Variants in TSHZ2 observed in about 807,000 individuals in gnomAD.
The protein encoded by TSHZ2 is teashirt homolog 2.
A neutral mutation model predicts 74.4 loss-of-function variants in TSHZ2; 21 were observed. The observed-to-expected ratio is 0.28, with a 90% CI of 0.20 to 0.41. The LOEUF (loss-of-function observed/expected upper bound fraction) is 0.41. TSHZ2 is among the 10% of genes least tolerant of loss of function. The pLI is 1.00. For missense variants in TSHZ2, 1,244 were observed against 1,293.5 expected (o/e 0.96, Z 0.59); for synonymous variants, 540 against 515.3 (o/e 1.05, Z -0.65).
At chr20:52,997,179 C>T (rs1200685742) in intron 1 of TSHZ2, among the ~76,000 whole-genome samples, 6 of 152,126 alleles carry the variant, frequency 3.9e-5, no homozygotes, top group African/African-American at 4.8e-5. Flanking sequence ...TCTCTTTCTT[C>T]GTCCTGTCCC....
At chr20:53,357,830 C>G (rs1202957980) in intron 2 of TSHZ2, among the ~76,000 whole-genome samples, 1 of 152,166 alleles carries the variant, frequency 6.6e-6, no homozygotes, top group Non-Finnish European at 1.5e-5. Context: ...CTGGGGCTCT[C>G]CCAGTGTGAC....
intron 1 of TSHZ2, among the ~76,000 whole-genome samples, chr20:53,086,119 C>G (rs1985692461): frequency 6.6e-6 from 1 of 152,166 alleles, no homozygotes; most frequent in African/African-American, 2.4e-5. Context: ...CTGTGCATCT[C>G]AATCAAGGTT....
chr20:52,973,928 C>T (rs180963533), intron 1 of TSHZ2, among the ~76,000 whole-genome samples: 83 of 152,190 alleles, frequency 5.5e-4, no homozygotes, highest in Non-Finnish European at 1.3e-4. Flanking sequence ...TAACAATTTC[C>T]CTATTCTTTA....
At chr20:53,068,186 C>T (rs979503859) in intron 1 of TSHZ2, among the ~76,000 whole-genome samples, 1 of 152,180 alleles carries the variant, frequency 6.6e-6, no homozygotes, top group Admixed American at 6.5e-5. Flanking sequence ...GTCATATTCA[C>T]GGGTACCAGG....
At chr20:53,401,731 T>C (rs1200339566) in intron 2 of TSHZ2, among the ~76,000 whole-genome samples, 1 of 152,104 alleles carries the variant, frequency 6.6e-6, no homozygotes, top group African/African-American at 2.4e-5. Context: ...TCATTCCTTT[T>C]TATGGCTGAG....
intron 1 of TSHZ2, among the ~76,000 whole-genome samples, chr20:53,215,046 C>A (rs2123622671): frequency 6.6e-6 from 1 of 152,126 alleles, no homozygotes; most frequent in Admixed American, 6.5e-5. Context: ...GTGGGCGGGA[C>A]CCATAGGCTA....
intron 1 of TSHZ2, among the ~76,000 whole-genome samples, chr20:52,981,223 C>T (rs1490439103): frequency 6.6e-6 from 1 of 152,150 alleles, no homozygotes; most frequent in African/African-American, 2.4e-5. Flanking sequence ...CAGCCTTGCC[C>T]CACGCTAGTT....
intron 2 of TSHZ2, among the ~76,000 whole-genome samples, chr20:53,442,868 C>T (rs1354085114): frequency 6.6e-6 from 1 of 152,194 alleles, no homozygotes; most frequent in Non-Finnish European, 1.5e-5. Flanking sequence ...GCATTGTGTG[C>T]ACTTGAGCTC....
intron 1 of TSHZ2, among the ~76,000 whole-genome samples, chr20:53,103,713 A>C (rs1010897070): frequency 2.6e-5 from 4 of 152,176 alleles, no homozygotes; most frequent in African/African-American, 4.8e-5. Flanking sequence ...TTTCAGTTAC[A>C]GGGCATATTT....
chr20:53,036,021 C>T (rs1600658401), intron 1 of TSHZ2, among the ~76,000 whole-genome samples: 2 of 152,272 alleles, frequency 1.3e-5, no homozygotes, highest in East Asian at 3.9e-4. Context: ...AGACATTTCA[C>T]AAATAATCCT....
intron 1 of TSHZ2, among the ~76,000 whole-genome samples, chr20:53,008,935 T>C (rs923139965): frequency 6.6e-6 from 1 of 151,520 alleles, no homozygotes; most frequent in African/African-American, 2.4e-5. Context: ...ATAGAACAAT[T>C]ATAATAATAT....
intron 1 of TSHZ2, among the ~76,000 whole-genome samples, chr20:53,011,921 AAAAC>A (rs1982865645): frequency 6.6e-6 from 1 of 152,150 alleles, no homozygotes; most frequent in African/African-American, 2.4e-5. Flanking sequence ...TGCACTTTAC[AAAAC>A]AAAGTTATGA....
At chr20:53,217,986 C>G (rs1989474196) in intron 1 of TSHZ2, among the ~76,000 whole-genome samples, 1 of 152,176 alleles carries the variant, frequency 6.6e-6, no homozygotes, top group Non-Finnish European at 1.5e-5. Context: ...CTGAACAATA[C>G]AGACAAGTAT....
At chr20:53,210,245 G>T (rs1439684906) in intron 1 of TSHZ2, among the ~76,000 whole-genome samples, 2 of 152,332 alleles carry the variant, frequency 1.3e-5, no homozygotes, top group Non-Finnish European at 1.5e-5. Context: ...GCGTTAACCA[G>T]CTCAATGGAC....
intron 2 of TSHZ2, among the ~76,000 whole-genome samples, chr20:53,480,743 G>A (rs756208031): frequency 2.0e-5 from 3 of 152,040 alleles, no homozygotes; most frequent in Admixed American, 6.6e-5. Flanking sequence ...TGGGAGTGTC[G>A]CATAAGAACA....
At chr20:53,472,899 C>T (rs150244277) in intron 2 of TSHZ2, among the ~76,000 whole-genome samples, 10 of 152,046 alleles carry the variant, frequency 6.6e-5, no homozygotes, top group South Asian at 2.1e-4. Flanking sequence ...GGGTGACGGA[C>T]GGCACCTGGA....
chr20:53,038,535 T>A (rs113078880), intron 1 of TSHZ2, among the ~76,000 whole-genome samples: 9,144 of 152,220 alleles, frequency 0.06, 313 homozygotes, highest in Middle Eastern at 0.068. Context: ...CTGAAAGTGA[T>A]GACATAATGG....
chr20:53,135,443 T>A (rs6022294), intron 1 of TSHZ2, among the ~76,000 whole-genome samples: 1,553 of 152,304 alleles, frequency 0.01, 17 homozygotes, highest in African/African-American at 0.034. Context: ...AAGGCCTTTG[T>A]GATCTGTACG....
At position 53,364,554 on chromosome 20, in the gene TSHZ2, CTCT is replaced by C. The variant is rs528402947; in HGVS notation, c.*8+107990_*8+107992del. 6.1e-3 allele frequency among the ~76,000 whole-genome samples: 935 copies of C among 152,320 alleles called. 5 individuals are homozygous for C. Among genetic ancestry groups the C allele is most frequent in the Non-Finnish European group, 0.01 (681 of 68,020 alleles). On this transcript the variant is annotated intron_variant, in intron 2 of 2. Coordinates refer to ENST00000371497, the MANE Select transcript of TSHZ2 (RefSeq NM_173485.6). ...CAGCCCCACTTGTCCAGCCAGTTTT[CTCT>C]TCTTCTGGATGCAAACTGAATGTTG... is the stretch of plus-strand genomic sequence containing the variant.
Sources: allele counts gnomAD v4.1 joint callset (sites outside exome capture counted in the v4.1 genomes callset), GRCh38; gene constraint gnomAD v4.1.1; transcripts MANE v1.5; gene names NCBI Gene and HGNC (gene_info 2026-07-23, HGNC 2026-07-21).